Variants in NKIRAS1 observed in about 807,000 individuals in gnomAD.
The protein encoded by NKIRAS1 is NF-kappa-B inhibitor-interacting Ras-like protein 1.
In NKIRAS1, 16 loss-of-function variants were observed where a neutral mutation model predicts 19.8. The observed-to-expected ratio is 0.81, with a 90% confidence interval of 0.55 to 1.23. The LOEUF is 1.23. Among genes scored for constraint, NKIRAS1 ranks in the 50% most tolerant of loss-of-function variants. The probability of loss-of-function intolerance (pLI) is 0.00; values close to 1 mark genes in which losing one functional copy is unlikely to be tolerated. For missense variants in NKIRAS1, 184 were observed against 220.0 expected, an observed-to-expected ratio of 0.84 and a Z score of 1.04; for synonymous variants, 88 against 79.0, an observed-to-expected ratio of 1.11 and a Z score of -0.61.
At chr3:23,940,721 TACAG>T (rs72519467) in intron 1 of NKIRAS1, among the ~76,000 whole-genome samples, 54,246 of 151,926 alleles carry the variant, frequency 0.36, 10,113 homozygotes, top group Middle Eastern at 0.49. Context: ...AAAAATTAAG[TACAG>T]ACAAAGTTTT....
At chr3:23,920,643 T>C, upstream of NKIRAS1, 1 of 985,170 alleles carries the variant, frequency 1.0e-6, no homozygotes, top group Non-Finnish European at 1.2e-6. Flanking sequence ...ATTTAAATGC[T>C]CGTTCTGAAC....
chr3:23,908,161 G>A (rs1703259777), intron 3 of NKIRAS1, among the ~76,000 whole-genome samples: 1 of 152,126 alleles, frequency 6.6e-6, no homozygotes, highest in African/African-American at 2.4e-5. Flanking sequence ...GACTTCCTTA[G>A]CGAACCAAAA....
rs1704568751 is a variant in NKIRAS1, at chr3:23,916,772, C to A, written c.-140+12G>T. Reference sequence around the variant, plus strand: ...CTCCGCAGGGGGAGAGCCCGCGGTGCGTGAAACAAACCTGTTCTCTCCTCA... The same window carrying A: ...CTCCGCAGGGGGAGAGCCCGCGGTGAGTGAAACAAACCTGTTCTCTCCTCA... On this transcript the variant is annotated intron_variant, in intron 1 of 4. Coordinates refer to ENST00000425478, the MANE Select transcript of NKIRAS1 (RefSeq NM_020345.4). 1.3e-5 allele frequency: 2 copies of A among 152,738 alleles called. No homozygotes were observed. Among genetic ancestry groups the A allele is most frequent in the Admixed American group, 1.3e-4 (2 of 15,294 alleles). 9.5% of individuals were successfully genotyped at this position (152,738 alleles called of 1,614,324 possible). A position where few individuals can be genotyped will look rare whatever the true frequency, so the allele number is the denominator to read the frequency against.
intron 1 of NKIRAS1, chr3:23,916,296 C>T (rs1017316624): frequency 6.6e-6 from 1 of 152,046 alleles, no homozygotes; most frequent in East Asian, 1.9e-4. Context: ...AAGCCAGTAA[C>T]CTATTTCTCA....
At position 23,893,320 on chromosome 3, in the gene NKIRAS1, T is replaced by C. The variant is rs1701615873; in HGVS notation, c.354A>G (p.Leu118=). ...KDKKEVAIVV[L]GNKIDLSEQR... is the part of the protein sequence containing the mutation. The stretch of plus-strand genomic sequence containing the variant: ...GCTCAGAAAGGTCGATTTTGTTTCC[T>C]AATACCACAATTGCTACCTGAAAGA... Residue 118 remains leucine, a synonymous_variant, in exon 5 of 5, where the codon TTA becomes TTG. Transcript: ENST00000425478. The C allele has an allele frequency of 2.5e-6, 4 of 1,613,498 alleles. No individual in the cohort carries two copies. The East Asian group carries it at 8.9e-5, about 36-fold the overall frequency.
At chr3:23,893,673 G>A (rs994795199) in intron 4 of NKIRAS1, among the ~76,000 whole-genome samples, 44 of 151,836 alleles carry the variant, frequency 2.9e-4, no homozygotes, top group African/African-American at 1.0e-3. Context: ...CAGGCGTAGT[G>A]GTGTGCGCCT....
chr3:23,908,850 T>A (rs909269837), intron 3 of NKIRAS1, among the ~76,000 whole-genome samples: 4 of 151,714 alleles, frequency 2.6e-5, no homozygotes, highest in Admixed American at 2.6e-4. Context: ...TTCTTTCTTT[T>A]TTTTTTTTTT....
At chr3:23,902,296 A>G (rs1451817159) in intron 3 of NKIRAS1, among the ~76,000 whole-genome samples, 1 of 152,192 alleles carries the variant, frequency 6.6e-6, no homozygotes, top group Non-Finnish European at 1.5e-5. Flanking sequence ...CTCCACAAGT[A>G]TTAGATTAAA....
chr3:23,910,180 CAG>C (rs1703541967), intron 3 of NKIRAS1, among the ~76,000 whole-genome samples: 2 of 103,250 alleles, frequency 1.9e-5, no homozygotes, highest in Admixed American at 1.2e-4. Context: ...TTTTTTGAGA[CAG>C]AGTCTCGCTC....
chr3:23,908,949 C>A (rs1269487981), intron 3 of NKIRAS1, among the ~76,000 whole-genome samples: 6 of 151,884 alleles, frequency 4.0e-5, no homozygotes, highest in Non-Finnish European at 8.8e-5. Context: ...CCACCTTGGC[C>A]TCCCAAAGTG....
rs2125340174 is a variant in NKIRAS1 at position 23,891,826 on chromosome 3, A to G, written c.*1269T>C. 1 of 152,370 alleles carries G rather than the reference A, an allele frequency of 6.6e-6. No individual in the cohort carries two copies. Among genetic ancestry groups the G allele is most frequent in the East Asian group, 1.9e-4 (1 of 5,194 alleles). The allele number at this position is 152,370 out of a possible 1,614,324, so 9.4% of individuals were successfully genotyped here. A position where few individuals can be genotyped will look rare whatever the true frequency, so the allele number is the denominator to read the frequency against. ...GGAAGGTACTTATTTAAAAATCATT[A>G]TGAAAGCATTTGTCCATCTATGTAA... On this transcript the variant is annotated 3_prime_UTR_variant, in exon 5 of 5. Transcript: ENST00000425478.
chr3:23,898,896 C>G (rs566683566), intron 4 of NKIRAS1, among the ~76,000 whole-genome samples: 33 of 152,292 alleles, frequency 2.2e-4, no homozygotes, highest in Non-Finnish European at 4.6e-4. Context: ...ACATCAGTGG[C>G]ATGAGGTTCT....
intron 3 of NKIRAS1, among the ~76,000 whole-genome samples, chr3:23,904,051 G>A (rs185427722): frequency 6.6e-6 from 1 of 152,288 alleles, no homozygotes; most frequent in East Asian, 1.9e-4. Flanking sequence ...TGTAATTGCA[G>A]CTACTTGGGA....
At chr3:23,933,581 T>C (rs952074459) in intron 1 of NKIRAS1, among the ~76,000 whole-genome samples, 2 of 152,226 alleles carry the variant, frequency 1.3e-5, no homozygotes, top group African/African-American at 4.8e-5. Flanking sequence ...ATATCACATA[T>C]GGGGTTTGGG....
chr3:23,941,516 G>T (rs955655053), intron 1 of NKIRAS1, among the ~76,000 whole-genome samples: 5 of 152,202 alleles, frequency 3.3e-5, no homozygotes, highest in African/African-American at 1.2e-4. Context: ...GGTGGAGTAG[G>T]TAGAAATCCA....
At chr3:23,913,903 A>G (rs1704024580) in intron 1 of NKIRAS1, among the ~76,000 whole-genome samples, 1 of 152,228 alleles carries the variant, frequency 6.6e-6, no homozygotes, top group South Asian at 2.1e-4. Flanking sequence ...ATGCCATGAT[A>G]TTAGAAGTTG....
intron 1 of NKIRAS1, among the ~76,000 whole-genome samples, chr3:23,941,551 C>T (rs1046214168): frequency 6.6e-6 from 1 of 152,182 alleles, no homozygotes; most frequent in South Asian, 2.1e-4. Context: ...AGAATCCCAA[C>T]AGACTAAGCC....
intron 1 of NKIRAS1, among the ~76,000 whole-genome samples, chr3:23,914,166 G>T (rs1180723270): frequency 1.3e-5 from 1 of 77,890 alleles, no homozygotes; most frequent in Non-Finnish European, 2.5e-5. Flanking sequence ...TCTCCAACTT[G>T]AGGCTAAAAA....
rs146885311 is a variant in NKIRAS1, at chr3:23,904,847, C to T, written c.95-3798G>A. On this transcript the variant is annotated intron_variant, in intron 3 of 4. Transcript: ENST00000425478. ...GCCAGGATACATGTACAATAATGTT[C>T]CAGAGTAGCATTATTTCCAATAGCT... Among the ~76,000 whole-genome samples, 367 of 152,282 alleles carry T rather than the reference C, an allele frequency of 2.4e-3. 1 individual carries two copies. Among genetic ancestry groups the T allele is most frequent in the Non-Finnish European group, 3.7e-3 (249 of 68,020 alleles).
Sources: allele counts gnomAD v4.1 joint callset (sites outside exome capture counted in the v4.1 genomes callset), GRCh38; gene constraint gnomAD v4.1.1; transcripts MANE v1.5; gene names NCBI Gene and HGNC (gene_info 2026-07-23, HGNC 2026-07-21).